SRRM4: variants seen among roughly 807,000 people sequenced by gnomAD.
SRRM4 encodes the protein serine/arginine repetitive matrix 4.
SRRM4 carries 33 observed loss-of-function variants against 68.9 expected under a neutral mutation model. That is an observed-to-expected ratio of 0.48 (90% CI 0.36 to 0.64). The LOEUF (loss-of-function observed/expected upper bound fraction) is 0.64. SRRM4 is among the 30% of genes least tolerant of loss of function. The probability of loss-of-function intolerance (pLI) is 0.00; values close to 1 mark genes in which losing one functional copy is unlikely to be tolerated. For missense variants in SRRM4, 817 were observed against 827.1 expected (o/e 0.99, Z 0.15); for synonymous variants, 318 against 318.8 (o/e 1.00, Z 0.03).
At chr12:119,085,312 C>T (rs1953973149) in intron 1 of SRRM4, among the ~76,000 whole-genome samples, 1 of 152,246 alleles carries the variant, frequency 6.6e-6, no homozygotes, top group Non-Finnish European at 1.5e-5. Flanking sequence ...GAGGTAGGTG[C>T]TATTATTACC....
chr12:119,084,931 C>T lies in SRRM4; in HGVS notation c.132-17305C>T, dbSNP rs1459800325. On this transcript the variant is annotated intron_variant, in intron 1 of 12. Transcript: ENST00000267260. ...TTTATTTATTTGAGACAGAGTTTTG[C>T]TCTTTGTTGCCCAGGCTGGAATGCA... Among the ~76,000 whole-genome samples, 5 of 152,150 alleles carry T rather than the reference C, an allele frequency of 3.3e-5. No individual in the cohort carries two copies. In the East Asian group the frequency reaches 9.6e-4, roughly 29 times the overall value.
chr12:119,105,837 T>A (rs77660785), intron 2 of SRRM4, among the ~76,000 whole-genome samples: 1 of 152,008 alleles, frequency 6.6e-6, no homozygotes, highest in Non-Finnish European at 1.5e-5. Flanking sequence ...TAGATCCCAT[T>A]TGTCAATTTT....
intron 1 of SRRM4, among the ~76,000 whole-genome samples, chr12:119,042,404 G>A (rs1367795639): frequency 6.6e-6 from 1 of 151,896 alleles, no homozygotes; most frequent in Admixed American, 6.6e-5. Context: ...AAATAGGAGA[G>A]ATGCTATGGA....
intron 1 of SRRM4, among the ~76,000 whole-genome samples, chr12:119,093,880 A>G (rs1288440620): frequency 6.6e-6 from 1 of 152,172 alleles, no homozygotes; most frequent in African/African-American, 2.4e-5. Flanking sequence ...GCAAATAGGC[A>G]ATTGATAGGC....
intron 1 of SRRM4, among the ~76,000 whole-genome samples, chr12:118,984,658 C>T (rs1005046212): frequency 2.0e-5 from 3 of 152,190 alleles, no homozygotes; most frequent in Admixed American, 6.5e-5. Flanking sequence ...TAGCAATATG[C>T]ATACATCATG....
At chr12:119,020,900 A>C (rs532027921) in intron 1 of SRRM4, among the ~76,000 whole-genome samples, 1 of 152,342 alleles carries the variant, frequency 6.6e-6, no homozygotes, top group South Asian at 2.1e-4. Context: ...AATAGCCCTA[A>C]TGGGTAGACA....
Position 119,026,956 on chromosome 12 carries a change from G to A in SRRM4, c.131+44943G>A, listed in dbSNP as rs550001511. Among the ~76,000 whole-genome samples, 4 of 152,310 alleles carry A rather than the reference G, an allele frequency of 2.6e-5. No individual in the cohort carries two copies. The South Asian group carries it at 8.3e-4, about 32-fold the overall frequency. ...TAATCCCATTCTCACACCTGCAAAT[G>A]TTTTAGGAATGGGAGAAGTCTGCTC... On this transcript the variant is annotated intron_variant, in intron 1 of 12. Transcript: ENST00000267260.
chr12:119,015,425 A>C (rs968291321), intron 1 of SRRM4, among the ~76,000 whole-genome samples: 1 of 152,168 alleles, frequency 6.6e-6, no homozygotes, highest in Non-Finnish European at 1.5e-5. Context: ...AAACCAAACC[A>C]GTTCCATATC....
intron 1 of SRRM4, among the ~76,000 whole-genome samples, chr12:118,988,512 A>G (rs11069219): frequency 0.05 from 7,665 of 152,286 alleles, 265 homozygotes; most frequent in East Asian, 0.14. Flanking sequence ...GCTAATAGGA[A>G]ATCTAGTCTG....
At chr12:119,014,569 T>G (rs970150546) in intron 1 of SRRM4, among the ~76,000 whole-genome samples, 4 of 152,202 alleles carry the variant, frequency 2.6e-5, no homozygotes, top group African/African-American at 9.7e-5. Flanking sequence ...CAAGCTGCAG[T>G]TGGCAACCTG....
intron 1 of SRRM4, among the ~76,000 whole-genome samples, chr12:119,009,810 G>T (rs1953437552): frequency 6.6e-6 from 1 of 152,114 alleles, no homozygotes; most frequent in African/African-American, 2.4e-5. Flanking sequence ...ATAAACAAGG[G>T]AACCAACTAA....
At chr12:119,116,785 C>T in intron 3 of SRRM4, 152 bp from the exon 4 acceptor site, 1 of 569,718 alleles carries the variant, frequency 1.8e-6, no homozygotes, top group Non-Finnish European at 3.1e-6. Context: ...AAATTGCTTA[C>T]AAATGCAAGC....
intron 1 of SRRM4, among the ~76,000 whole-genome samples, chr12:119,099,652 TG>T (rs1416019624): frequency 6.6e-6 from 1 of 152,236 alleles, no homozygotes; most frequent in Non-Finnish European, 1.5e-5. Flanking sequence ...TCATCTCTCA[TG>T]AAGCTGTGGT....
chr12:119,047,670 T>C (rs774552700), intron 1 of SRRM4, among the ~76,000 whole-genome samples: 4 of 152,244 alleles, frequency 2.6e-5, no homozygotes, highest in Non-Finnish European at 5.9e-5. Context: ...CATGCACTCA[T>C]TTCCCTGGAC....
rs534928171 is a variant in SRRM4 at position 119,129,149 on chromosome 12, C to T, written c.615-1529C>T. Among the ~76,000 whole-genome samples the T allele has an allele frequency of 7.9e-5, 12 of 152,322 alleles. No individual in the cohort carries two copies. The South Asian group carries it at 1.7e-3, about 21-fold the overall frequency. On this transcript the variant is annotated intron_variant, in intron 7 of 12. Transcript: ENST00000267260. ...AAGATCCCTAAACATCTCTGAGCTT[C>T]GGCTCCCTCATCTGTAAAATGGGAA...
intron 1 of SRRM4, among the ~76,000 whole-genome samples, chr12:119,090,013 A>G (rs916541407): frequency 6.6e-6 from 1 of 152,188 alleles, no homozygotes; most frequent in African/African-American, 2.4e-5. Flanking sequence ...GCAGCAAAGC[A>G]GATTCAAACC....
intron 1 of SRRM4, among the ~76,000 whole-genome samples, chr12:119,012,481 T>C (rs1184359148): frequency 6.6e-6 from 1 of 152,204 alleles, no homozygotes; most frequent in African/African-American, 2.4e-5. Context: ...TACTCAGCCT[T>C]TCCCCACTTT....
intron 1 of SRRM4, among the ~76,000 whole-genome samples, chr12:119,005,980 C>G (rs1342678534): frequency 6.6e-6 from 1 of 152,088 alleles, no homozygotes; most frequent in African/African-American, 2.4e-5. Flanking sequence ...GTCTCACAGC[C>G]CCTGGTCATC....
At chr12:119,150,612 G>A (rs1334717362) in intron 9 of SRRM4, among the ~76,000 whole-genome samples, 2 of 152,212 alleles carry the variant, frequency 1.3e-5, no homozygotes, top group Admixed American at 1.3e-4. Context: ...GTGTTAGAGA[G>A]GTGTTACAAA....
Sources: allele counts gnomAD v4.1 joint callset (sites outside exome capture counted in the v4.1 genomes callset), GRCh38; gene constraint gnomAD v4.1.1; transcripts MANE v1.5; gene names NCBI Gene and HGNC (gene_info 2026-07-23, HGNC 2026-07-21).